The following PLXDC2 variants were observed in gnomAD, a reference collection of about 807,000 sequenced individuals.
PLXDC2 encodes plexin domain-containing protein 2.
A neutral mutation model predicts 68.9 loss-of-function variants in PLXDC2; 40 were observed. That is an observed-to-expected ratio of 0.58 (90% CI 0.45 to 0.76). The LOEUF (loss-of-function observed/expected upper bound fraction) is 0.76, where lower values mean the gene tolerates loss of function less well. PLXDC2 is among the 30% of genes least tolerant of loss of function. The probability of loss-of-function intolerance (pLI) is 0.00; values close to 1 mark genes in which losing one functional copy is unlikely to be tolerated. For synonymous variants in PLXDC2, 243 were observed against 234.2 expected, an observed-to-expected ratio of 1.04 and a Z score of -0.34; for missense variants, 644 against 661.9, an observed-to-expected ratio of 0.97 and a Z score of 0.30.
At chr10:20,029,102 A>AT (rs397845683) in intron 2 of PLXDC2, among the ~76,000 whole-genome samples, 1 of 152,042 alleles carries the variant, frequency 6.6e-6, no homozygotes, top group Admixed American at 6.5e-5. Flanking sequence ...ATTCTAAATC[A>AT]TTTTTCCAGG....
chr10:20,126,688 T>G (rs4990270), intron 4 of PLXDC2, among the ~76,000 whole-genome samples: 2 of 2,468 alleles, frequency 8.1e-4, no homozygotes, highest in East Asian at 6.1e-3. Context: ...TATGTATATA[T>G]AACACACGTT....
chr10:20,127,109 A>G (rs1307891343), intron 4 of PLXDC2, among the ~76,000 whole-genome samples: 1 of 151,992 alleles, frequency 6.6e-6, no homozygotes, highest in Non-Finnish European at 1.5e-5. Flanking sequence ...GAAGGAAGGA[A>G]TAGACTCTCG....
intron 3 of PLXDC2, among the ~76,000 whole-genome samples, chr10:20,048,512 T>C (rs1171990880): frequency 3.7e-4 from 56 of 152,126 alleles, no homozygotes; most frequent in Non-Finnish European, 2.9e-5. Flanking sequence ...AATGTCTTTC[T>C]GGGATCTATT....
At chr10:19,824,294 A>G (rs1836532669) in intron 1 of PLXDC2, among the ~76,000 whole-genome samples, 1 of 152,188 alleles carries the variant, frequency 6.6e-6, no homozygotes, top group South Asian at 2.1e-4. Flanking sequence ...CCCACCTCCA[A>G]CAAGCATATA....
At chr10:20,022,303 T>C (rs1447283606) in intron 2 of PLXDC2, among the ~76,000 whole-genome samples, 1 of 152,202 alleles carries the variant, frequency 6.6e-6, no homozygotes, top group East Asian at 1.9e-4. Context: ...TCTTGGAGCT[T>C]ACAGTCTAGT....
intron 2 of PLXDC2, among the ~76,000 whole-genome samples, chr10:20,030,705 G>T (rs1835489068): frequency 6.6e-6 from 1 of 152,160 alleles, no homozygotes; most frequent in Non-Finnish European, 1.5e-5. Context: ...TTATACAGCT[G>T]AGCCCTGACT....
intron 1 of PLXDC2, among the ~76,000 whole-genome samples, chr10:19,954,699 A>G (rs914382571): frequency 6.6e-6 from 1 of 152,202 alleles, no homozygotes; most frequent in Non-Finnish European, 1.5e-5. Context: ...CTGATGTTTA[A>G]TACAGATTGC....
chr10:20,109,707 T>C (rs532138514), intron 4 of PLXDC2, among the ~76,000 whole-genome samples: 66 of 152,346 alleles, frequency 4.3e-4, no homozygotes, highest in African/African-American at 1.5e-3. Flanking sequence ...TTTTTTTAAC[T>C]ACTATAATTA....
intron 2 of PLXDC2, among the ~76,000 whole-genome samples, chr10:20,023,724 C>T (rs1835351460): frequency 6.6e-6 from 1 of 151,896 alleles, no homozygotes; most frequent in African/African-American, 2.4e-5. Flanking sequence ...CTAAGACAGT[C>T]TGCAATCCAC....
chr10:19,939,096 C>A (rs1833773680), intron 1 of PLXDC2, among the ~76,000 whole-genome samples: 1 of 152,166 alleles, frequency 6.6e-6, no homozygotes, highest in Admixed American at 6.5e-5. Flanking sequence ...AGGTTTTATG[C>A]ACCAGTGGCT....
chr10:20,126,108 A>G (rs992908957), intron 4 of PLXDC2, among the ~76,000 whole-genome samples: 3 of 147,844 alleles, frequency 2.0e-5, no homozygotes, highest in Admixed American at 1.4e-4. Context: ...ATCAATATGT[A>G]TGTTTTATAT....
chr10:20,217,504 A>ACCCAGT lies in PLXDC2; in HGVS notation c.1202_1207dup (p.Gln402_Phe403insSerGln). On this transcript the variant is annotated inframe_insertion, in exon 11 of 14. Coordinates refer to ENST00000377252, the MANE Select transcript of PLXDC2 (RefSeq NM_032812.9). ...CACCACAACCGTAGGAGCGACAACCACCCAGTTCAGGGTCCTAACTACCAC... is the reference window on the plus strand; with the variant it reads ...CACCACAACCGTAGGAGCGACAACCACCCAGTCCCAGTTCAGGGTCCTAACTACCAC... The ACCCAGT allele has an allele frequency of 6.2e-7, 1 of 1,603,314 alleles. No individual in the cohort carries two copies. Among genetic ancestry groups the ACCCAGT allele is most frequent in the Non-Finnish European group, 8.5e-7 (1 of 1,175,796 alleles).
chr10:20,174,490 A>G (rs1171856645), intron 7 of PLXDC2, among the ~76,000 whole-genome samples: 1 of 152,070 alleles, frequency 6.6e-6, no homozygotes, highest in African/African-American at 2.4e-5. Context: ...TACGCCTGAG[A>G]TATTTTCAGC....
chr10:20,036,681 A>G (rs1835583975), intron 2 of PLXDC2, among the ~76,000 whole-genome samples: 1 of 152,188 alleles, frequency 6.6e-6, no homozygotes, highest in African/African-American at 2.4e-5. Flanking sequence ...AGAAATAATC[A>G]GTGGCTCTGA....
intron 12 of PLXDC2, among the ~76,000 whole-genome samples, chr10:20,222,900 A>G (rs189798920): frequency 6.6e-6 from 1 of 152,248 alleles, no homozygotes; most frequent in East Asian, 1.9e-4. Context: ...AAATATTTCT[A>G]GTTACATGTG....
chr10:20,227,148 G>A (rs1053653796), intron 12 of PLXDC2, among the ~76,000 whole-genome samples: 28 of 151,970 alleles, frequency 1.8e-4, no homozygotes, highest in Admixed American at 5.9e-4. Context: ...TGATTTGCTC[G>A]GGAAACATTT....
At chr10:19,848,808 G>C (rs556797553) in intron 1 of PLXDC2, among the ~76,000 whole-genome samples, 6 of 151,972 alleles carry the variant, frequency 3.9e-5, no homozygotes, top group South Asian at 4.2e-4. Flanking sequence ...TGCCTGTAAG[G>C]GTTTTGGAAG....
intron 1 of PLXDC2, among the ~76,000 whole-genome samples, chr10:19,909,479 T>C (rs757214142): frequency 1.9e-4 from 29 of 152,240 alleles, no homozygotes; most frequent in South Asian, 1.2e-3. Context: ...AAATCAAACT[T>C]GACAACAGCT....
rs1235246766 is a variant in PLXDC2 at position 20,284,986 on chromosome 10, C to G, written c.*5167C>G. The G allele has an allele frequency of 6.6e-6, 1 of 152,202 alleles. No homozygotes were observed. Among genetic ancestry groups the G allele is most frequent in the African/African-American group, 2.4e-5 (1 of 41,458 alleles). The allele number at this position is 152,202 out of a possible 1,614,324, so 9.4% of individuals were successfully genotyped here. On this transcript the variant is annotated 3_prime_UTR_variant, in exon 14 of 14. Transcript: ENST00000377252. ...CTCCTCTCTCCACCCCTGCCCCCAT[C>G]TGTGGCCATCTAAGTTAGCAATACA... is the stretch of plus-strand genomic sequence containing the variant.
Sources: allele counts gnomAD v4.1 joint callset (sites outside exome capture counted in the v4.1 genomes callset), GRCh38; gene constraint gnomAD v4.1.1; transcripts MANE v1.5; gene names NCBI Gene and HGNC (gene_info 2026-07-23, HGNC 2026-07-21).